MICU1: variants seen among roughly 807,000 people sequenced by gnomAD.
The protein encoded by MICU1 is mitochondrial calcium uptake 1, also known as calcium uptake protein 1, mitochondrial.
A neutral mutation model predicts 56.8 loss-of-function variants in MICU1; 45 were observed. The observed-to-expected ratio is 0.79, with a 90% CI of 0.62 to 1.02. MICU1 has a LOEUF of 1.02. Among genes scored for constraint, MICU1 ranks in the 50% least tolerant of loss-of-function variants. The pLI is 0.00. For missense variants in MICU1, 504 were observed against 587.1 expected (o/e 0.86, Z 1.46); for synonymous variants, 186 against 195.1 (o/e 0.95, Z 0.39).
Position 72,496,280 on chromosome 10 carries a change from C to T in MICU1, c.652+11875G>A, listed in dbSNP as rs115463252. On this transcript the variant is annotated intron_variant, in intron 6 of 11. Transcript: ENST00000361114. ...GCAGCTGGGATAATATAGGCATGTGCCACCACGCCTGGCTAATTCCTTTTT... is the reference window on the plus strand; with the variant it reads ...GCAGCTGGGATAATATAGGCATGTGTCACCACGCCTGGCTAATTCCTTTTT... 8.5e-3 allele frequency among the ~76,000 whole-genome samples: 1,286 copies of T among 151,574 alleles called. 16 individuals carry two copies. Among genetic ancestry groups the T allele is most frequent in the African/African-American group, 0.029 (1,213 of 41,270 alleles).
chr10:72,449,545 T>C (rs949405570), intron 8 of MICU1, among the ~76,000 whole-genome samples: 2 of 152,192 alleles, frequency 1.3e-5, no homozygotes, highest in Non-Finnish European at 2.9e-5. Context: ...GTAAGTTTCT[T>C]AGAGTACCAC....
In MICU1 at chr10:72,450,272, C is replaced by A. The variant is rs560964374; in HGVS notation, c.933+24828G>T. The stretch of plus-strand genomic sequence containing the variant: ...GAGTGAGGTTTAAGTGAGCTCTGAG[C>A]GATAAAAACAAGGTAACTAGGTGAA... On this transcript the variant is annotated intron_variant, in intron 8 of 11. Transcript: ENST00000361114. Among the ~76,000 whole-genome samples, 8 of 151,628 alleles carry A rather than the reference C, an allele frequency of 5.3e-5. No individual in the cohort carries two copies. The South Asian group carries it at 1.7e-3, about 32-fold the overall frequency.
At chr10:72,590,587 G>A (rs1166276531) in intron 1 of MICU1, among the ~76,000 whole-genome samples, 3 of 152,044 alleles carry the variant, frequency 2.0e-5, no homozygotes, top group Non-Finnish European at 4.4e-5. Context: ...GAGGTGGGCG[G>A]ATCACGAGGT....
chr10:72,500,290 ATATATATATATATTTTTTTTTTTTTTT>A (rs1428235857), intron 6 of MICU1, among the ~76,000 whole-genome samples: 12 of 7,784 alleles, frequency 1.5e-3, no homozygotes, highest in Admixed American at 3.8e-3. Context: ...ATATATATAT[ATATATATATATATTTTTTTTTTTTTTT>A]TTTTTTTTTT....
intron 5 of MICU1, among the ~76,000 whole-genome samples, chr10:72,518,367 T>C (rs1050265718): frequency 3.9e-5 from 6 of 152,030 alleles, no homozygotes; most frequent in African/African-American, 7.2e-5. Flanking sequence ...GTGTTATTAA[T>C]ACACATTTAT....
chr10:72,562,271 A>G (rs1197014642), intron 3 of MICU1, among the ~76,000 whole-genome samples: 1 of 145,280 alleles, frequency 6.9e-6, no homozygotes, highest in African/African-American at 2.6e-5. Context: ...CTCCTGACTC[A>G]GCCTCCTGAG....
chr10:72,538,520 A>C (rs1839690345), intron 4 of MICU1, among the ~76,000 whole-genome samples: 1 of 152,154 alleles, frequency 6.6e-6, no homozygotes, highest in African/African-American at 2.4e-5. Context: ...TATCAGCTTG[A>C]AATAATCTGT....
At chr10:72,471,648 T>C (rs1865955731) in intron 8 of MICU1, among the ~76,000 whole-genome samples, 2 of 152,006 alleles carry the variant, frequency 1.3e-5, no homozygotes, top group Admixed American at 1.3e-4. Context: ...TTTGTGCTTC[T>C]TTAACTACAT....
At chr10:72,478,169 T>C (rs144118269) in intron 6 of MICU1, among the ~76,000 whole-genome samples, 2,589 of 152,256 alleles carry the variant, frequency 0.017, 30 homozygotes, top group Admixed American at 0.029. Flanking sequence ...GCGTCTGGCC[T>C]CAGCCCCCTA....
At chr10:72,488,825 T>C (rs2132298246) in intron 6 of MICU1, among the ~76,000 whole-genome samples, 1 of 152,346 alleles carries the variant, frequency 6.6e-6, no homozygotes, top group African/African-American at 2.4e-5. Context: ...TGAGAAAGTA[T>C]GGAGGAATTA....
chr10:72,471,105 A>G (rs1195007115), intron 8 of MICU1, among the ~76,000 whole-genome samples: 1 of 151,766 alleles, frequency 6.6e-6, no homozygotes, highest in Non-Finnish European at 1.5e-5. Context: ...TTTTTTTTTG[A>G]GACAGAATCT....
chr10:72,452,716 T>C (rs568268013), intron 8 of MICU1, among the ~76,000 whole-genome samples: 1 of 152,320 alleles, frequency 6.6e-6, no homozygotes, highest in Non-Finnish European at 1.5e-5. Flanking sequence ...TGAAATCGCC[T>C]AATGATGCAT....
intron 4 of MICU1, among the ~76,000 whole-genome samples, chr10:72,539,426 A>G (rs970839158): frequency 2.0e-5 from 3 of 152,338 alleles, no homozygotes; most frequent in East Asian, 1.9e-4. Flanking sequence ...CTAGAAATAA[A>G]TAACAGGAGG....
intron 10 of MICU1, among the ~76,000 whole-genome samples, chr10:72,381,121 AG>A (rs1298913424): frequency 1.3e-5 from 2 of 152,316 alleles, no homozygotes; most frequent in African/African-American, 4.8e-5. Flanking sequence ...ATACAGCTTT[AG>A]GCAGCATGAC....
chr10:72,526,954 A>C (rs11819165), intron 5 of MICU1, among the ~76,000 whole-genome samples: 2 of 150,666 alleles, frequency 1.3e-5, no homozygotes, highest in Non-Finnish European at 2.9e-5. Context: ...AAAAAAAAAG[A>C]AAGCACTTCT....
chr10:72,580,106 G>C (rs1348907889), intron 1 of MICU1, among the ~76,000 whole-genome samples: 1 of 151,992 alleles, frequency 6.6e-6, no homozygotes, highest in Non-Finnish European at 1.5e-5. Context: ...TTTTTCAAGA[G>C]TTTATCACTG....
chr10:72,591,322 A>G lies in MICU1; in HGVS notation c.-1-24528T>C, dbSNP rs541699447. On this transcript the variant is annotated intron_variant, in intron 1 of 11. Transcript: ENST00000361114. ...ACCTAACTTTACAACTCATGGAACT[A>G]GAAAAAGAAGAACAAACTAAATCTA... 9.8e-5 allele frequency among the ~76,000 whole-genome samples: 15 copies of G among 152,328 alleles called. No homozygotes were observed. In the East Asian group the frequency reaches 2.5e-3, roughly 25 times the overall value.
intron 11 of MICU1, among the ~76,000 whole-genome samples, chr10:72,375,168 A>G (rs1007205679): frequency 5.3e-5 from 8 of 152,180 alleles, no homozygotes; most frequent in Non-Finnish European, 1.0e-4. Flanking sequence ...TACCTAGGTC[A>G]GAAGATTAAA....
In MICU1 at chr10:72,493,009, C is replaced by T. The variant is rs1866714683; in HGVS notation, c.652+15146G>A. Among the ~76,000 whole-genome samples, 5 of 151,940 alleles carry T rather than the reference C, an allele frequency of 3.3e-5. No individual in the cohort carries two copies. The East Asian group carries it at 9.7e-4, about 29-fold the overall frequency. Reference sequence around the variant, plus strand: ...GTGCATGCCTGTAATCCCAGCTACTCGGGAGGCTGAGGCAGGAGAATGACT... The same window carrying T: ...GTGCATGCCTGTAATCCCAGCTACTTGGGAGGCTGAGGCAGGAGAATGACT... On this transcript the variant is annotated intron_variant, in intron 6 of 11. Transcript: ENST00000361114.
Sources: gnomAD v4.1 joint callset for allele counts (sites outside exome capture counted in the v4.1 genomes callset) on GRCh38, gnomAD v4.1.1 for gene constraint, MANE v1.5 for transcripts, NCBI Gene and HGNC (gene_info 2026-07-23, HGNC 2026-07-21) for gene names.